BDP1: variants seen among roughly 807,000 people sequenced by gnomAD.
BDP1 encodes BDP1 general transcription factor IIIB subunit.
BDP1 carries 169 observed loss-of-function variants against 266.6 expected under a neutral mutation model. The observed-to-expected ratio is 0.63, with a 90% CI of 0.56 to 0.72. The LOEUF is 0.72. Among genes scored for constraint, BDP1 ranks in the 30% least tolerant of loss-of-function variants. The probability of loss-of-function intolerance (pLI) is 0.00; values close to 1 mark genes in which losing one functional copy is unlikely to be tolerated. For missense variants in BDP1, 3,015 were observed against 3,053.8 expected (o/e 0.99, Z 0.30); for synonymous variants, 1,090 against 1,022.4 (o/e 1.07, Z -1.26).
intron 13 of BDP1, among the ~76,000 whole-genome samples, chr5:71,499,772 C>T (rs1274803780): frequency 6.6e-6 from 1 of 151,916 alleles, no homozygotes; most frequent in African/African-American, 2.4e-5. Flanking sequence ...CAGATTGTTT[C>T]TATTTTTGTT....
At chr5:71,511,754 T>G (rs1764934434) in intron 17 of BDP1, among the ~76,000 whole-genome samples, 1 of 152,148 alleles carries the variant, frequency 6.6e-6, no homozygotes, top group Admixed American at 6.5e-5. Flanking sequence ...TTGGCTTAGG[T>G]TTGAGATCTC....
chr5:71,516,030 G>A (rs1055612985), intron 20 of BDP1, 31 bp from the exon 21 acceptor site: 12 of 1,521,840 alleles, frequency 7.9e-6, no homozygotes, highest in African/African-American at 6.9e-5. Context: ...ACAGTCAAGC[G>A]CCCTGCCTTT....
intron 13 of BDP1, among the ~76,000 whole-genome samples, chr5:71,499,704 G>A (rs1416102753): frequency 1.3e-5 from 2 of 152,006 alleles, no homozygotes; most frequent in African/African-American, 4.8e-5. Context: ...CTTTTTAATA[G>A]CTGTGTCATG....
In BDP1 at chr5:71,510,016, A is replaced by T. The variant is rs183371075; in HGVS notation, c.2924A>T (p.Asp975Val). 76 of 1,614,066 alleles carry T rather than the reference A, an allele frequency of 4.7e-5. No homozygotes were observed. The East Asian group carries it at 1.7e-3, about 35-fold the overall frequency. Residue 975 changes from aspartate to valine, a missense_variant, in exon 17 of 39, where the codon GAT (aspartate) becomes GTT (valine). Physicochemically the swap from Asp to Val is radical, Grantham distance 152. Transcript: ENST00000358731. ...SPREKTPEVT[D>V]ATEEIDKNLE... is the part of the protein sequence containing the mutation. ...AGGGAGAAGACACCAGAGGTGACTG[A>T]TGCCACTGAGGAAATAGACAAAAAT...
At chr5:71,500,639 A>G (rs1381181518) in intron 13 of BDP1, among the ~76,000 whole-genome samples, 1 of 151,602 alleles carries the variant, frequency 6.6e-6, no homozygotes, top group Non-Finnish European at 1.5e-5. Flanking sequence ...TCCTTCTAAT[A>G]CTTGTAATTT....
intron 2 of BDP1, among the ~76,000 whole-genome samples, chr5:71,460,427 T>C (rs1761478582): frequency 6.6e-6 from 1 of 152,180 alleles, no homozygotes; most frequent in Non-Finnish European, 1.5e-5. Flanking sequence ...AAATAGTAAG[T>C]GTCCAACCAG....
At position 71,456,032 on chromosome 5, in the gene BDP1, A is replaced by G; in HGVS notation, c.155A>G (p.Asp52Gly). The G allele has an allele frequency of 1.2e-6, 2 of 1,613,542 alleles. No individual in the cohort carries two copies. Among genetic ancestry groups the G allele is most frequent in the Non-Finnish European group, 1.7e-6 (2 of 1,180,020 alleles). The stretch of plus-strand genomic sequence containing the variant: ...GCTTCCAAGCCCGCGGAGCCCACAG[A>G]TGTGCCCACAGTCGATTTCGGTGGA... Reference protein sequence around the residue: ...DSASKPAEPTDVPTVDFGGAE... With the variant: ...DSASKPAEPTGVPTVDFGGAE... Residue 52 changes from aspartate (D) to glycine (G), a missense_variant, in exon 1 of 39, where the codon GAT becomes GGT. Around this residue, in one of 3 missense-constraint regions of BDP1, gnomAD observed 2,383 missense variants for 2,404.9 expected, o/e 0.99. Coordinates refer to ENST00000358731, the MANE Select transcript of BDP1 (RefSeq NM_018429.3).
Position 71,512,224 on chromosome 5 carries a change from T to C in BDP1, c.4060-17T>C, listed in dbSNP as rs746654773. Reference sequence around the variant, plus strand: ...TACTCTTTTATTTGTGCTGATTTACTATGACTGTTCCTCTAGAACATTAGC... The same window carrying C: ...TACTCTTTTATTTGTGCTGATTTACCATGACTGTTCCTCTAGAACATTAGC... On this transcript the variant is annotated splice_polypyrimidine_tract_variant and intron_variant, in intron 17 of 38. Coordinates refer to ENST00000358731, the MANE Select transcript of BDP1 (RefSeq NM_018429.3). 3.1e-5 allele frequency: 42 copies of C among 1,352,672 alleles called. No individual in the cohort carries two copies. Among genetic ancestry groups the C allele is most frequent in the Non-Finnish European group, 4.0e-5 (41 of 1,027,042 alleles). The allele number at this position is 1,352,672 out of a possible 1,614,324, so 83.8% of individuals were successfully genotyped here.
chr5:71,545,662 G>T (rs534387264), intron 32 of BDP1, among the ~76,000 whole-genome samples: 60 of 152,040 alleles, frequency 3.9e-4, no homozygotes, highest in Non-Finnish European at 1.8e-4. Flanking sequence ...CAGTTCTTCA[G>T]GTTTTTATAA....
chr5:71,528,521 G>A (rs1766046087), intron 25 of BDP1, among the ~76,000 whole-genome samples: 1 of 152,178 alleles, frequency 6.6e-6, no homozygotes, highest in Non-Finnish European at 1.5e-5. Flanking sequence ...AATAAAAGAA[G>A]CAGTAAGAAA....
intron 34 of BDP1, 69 bp from the exon 35 acceptor site, chr5:71,553,047 T>A: frequency 7.8e-7 from 1 of 1,275,180 alleles, no homozygotes; most frequent in Non-Finnish European, 1.1e-6. Flanking sequence ...ATTTCTAGGA[T>A]CCTTTAAAAA....
chr5:71,506,053 A>G (rs576473560), intron 16 of BDP1, among the ~76,000 whole-genome samples: 6 of 152,188 alleles, frequency 3.9e-5, no homozygotes, highest in Non-Finnish European at 5.9e-5. Flanking sequence ...AGAAGTTTGT[A>G]TGACTACATT....
At chr5:71,507,423 G>A (rs1764643875) in intron 16 of BDP1, among the ~76,000 whole-genome samples, 1 of 152,082 alleles carries the variant, frequency 6.6e-6, no homozygotes, top group South Asian at 2.1e-4. Flanking sequence ...TGGTGGAATG[G>A]CAGTTTAAAA....
At chr5:71,506,824 C>CACACACACACACACACA (rs1764615685) in intron 16 of BDP1, among the ~76,000 whole-genome samples, 1 of 65,680 alleles carries the variant, frequency 1.5e-5, no homozygotes, top group Admixed American at 1.3e-4. Flanking sequence ...CACACACACA[C>CACACACACACACACACA]CCATATTTTT....
At chr5:71,534,159 T>A (rs906144927) in intron 26 of BDP1, among the ~76,000 whole-genome samples, 1 of 152,232 alleles carries the variant, frequency 6.6e-6, no homozygotes, top group African/African-American at 2.4e-5. Context: ...ATCTGAGTCC[T>A]TTGTCAAACC....
chr5:71,541,465 A>G lies in BDP1; in HGVS notation c.6034A>G (p.Ile2012Val), dbSNP rs529743593. ...SSEQGDVGVC[I>V]IPHVHSKDKS... ...TTTTTTTTCTTCAGTAGGAGTATGTATAATTCCTCATGTTCATTCAAAGGA... is the reference window on the plus strand; with the variant it reads ...TTTTTTTTCTTCAGTAGGAGTATGTGTAATTCCTCATGTTCATTCAAAGGA... The change falls in exon 29 of 39, where the codon ATA (isoleucine) becomes GTA (valine). Residue 2012 changes from isoleucine (I) to valine (V), a missense_variant. This residue lies in a region of BDP1 where 2,383 missense variants were observed against 2,404.9 expected (regional missense o/e 0.99). Coordinates refer to ENST00000358731, the MANE Select transcript of BDP1 (RefSeq NM_018429.3). The G allele has an allele frequency of 4.3e-6, 6 of 1,408,002 alleles. No homozygotes were observed. Among genetic ancestry groups the G allele is most frequent in the East Asian group, 4.8e-5 (2 of 41,918 alleles). The allele number at this position is 1,408,002 out of a possible 1,614,324, so 87.2% of individuals were successfully genotyped here.
At chr5:71,570,831 TAAAGA>T (rs1038355307), downstream of BDP1, among the ~76,000 whole-genome samples, 96 of 152,280 alleles carry the variant, frequency 6.3e-4, no homozygotes, top group African/African-American at 2.3e-3. Context: ...ACCAAGACTT[TAAAGA>T]AAAGAGTGTC....
intron 6 of BDP1, among the ~76,000 whole-genome samples, chr5:71,469,016 T>C (rs1028012409): frequency 2.0e-5 from 3 of 152,260 alleles, no homozygotes; most frequent in African/African-American, 4.8e-5. Context: ...TTGGTGCTTA[T>C]TGTTTTTATT....
chr5:71,522,453 T>C lies in BDP1; in HGVS notation c.5156T>C (p.Leu1719Pro). ...SKEGKPEDHL[L>P]QKGASNTQLL... ...GAAGGCAAGCCAGAAGATCATTTGCTGCAGAAAGGAGCTTCCAACACCCAG... is the reference window on the plus strand; with the variant it reads ...GAAGGCAAGCCAGAAGATCATTTGCCGCAGAAAGGAGCTTCCAACACCCAG... The change falls in exon 23 of 39, where the codon CTG becomes CCG. Residue 1719 changes from leucine (L) to proline (P), a missense_variant. Around this residue, in one of 3 missense-constraint regions of BDP1, gnomAD observed 2,383 missense variants for 2,404.9 expected, o/e 0.99. Transcript: ENST00000358731. The C allele has an allele frequency of 6.2e-7, 1 of 1,612,530 alleles. No individual in the cohort carries two copies. Among genetic ancestry groups the C allele is most frequent in the Non-Finnish European group, 8.5e-7 (1 of 1,179,666 alleles).
Sources: gnomAD v4.1 joint callset for allele counts (sites outside exome capture counted in the v4.1 genomes callset) on GRCh38, gnomAD v4.1.1 for gene constraint, gnomAD v4.1.1 regional missense constraint, MANE v1.5 for transcripts, NCBI Gene and HGNC (gene_info 2026-07-23, HGNC 2026-07-21) for gene names.